Variants in POC5 observed in about 807,000 individuals in gnomAD.
POC5 encodes centrosomal protein POC5.
Under a neutral mutation model 62.9 loss-of-function variants are expected in POC5, and 48 were observed. That is an observed-to-expected ratio of 0.76 (90% CI 0.61 to 0.97). The LOEUF is 0.97. POC5 is among the 50% of genes least tolerant of loss of function. POC5 has a pLI of 0.00. For synonymous variants in POC5, 236 were observed against 228.2 expected (o/e 1.03, Z -0.31); for missense variants, 696 against 679.5 (o/e 1.02, Z -0.27).
chr5:75,697,302 G>C (rs957090633), intron 5 of POC5, among the ~76,000 whole-genome samples: 6 of 152,116 alleles, frequency 3.9e-5, no homozygotes, highest in Non-Finnish European at 8.8e-5. Flanking sequence ...AGGGCAGCCA[G>C]AGAGAAAGGT....
intron 4 of POC5, among the ~76,000 whole-genome samples, chr5:75,704,190 A>G (rs1482646617): frequency 1.3e-5 from 2 of 151,588 alleles, no homozygotes; most frequent in African/African-American, 2.4e-5. Context: ...AAGAAAAGTT[A>G]ATATTTTCTC....
At chr5:75,708,070 T>C (rs1231074639) in intron 2 of POC5, among the ~76,000 whole-genome samples, 195 bp from the exon 3 acceptor site, 2 of 152,288 alleles carry the variant, frequency 1.3e-5, no homozygotes, top group South Asian at 4.1e-4. Flanking sequence ...GATTAACAGT[T>C]TGAAGAGGGC....
At chr5:75,674,876 G>A (rs936653632) in intron 11 of POC5, among the ~76,000 whole-genome samples, 12 of 152,212 alleles carry the variant, frequency 7.9e-5, no homozygotes, top group African/African-American at 2.9e-4. Flanking sequence ...ATCTTGTAAT[G>A]TGTACAGAGG....
chr5:75,715,826 A>G (rs1327499917), intron 1 of POC5, among the ~76,000 whole-genome samples: 4 of 152,218 alleles, frequency 2.6e-5, no homozygotes, highest in Admixed American at 2.6e-4. Context: ...ACTAACATCT[A>G]AAGGGCAAGA....
At chr5:75,680,255 A>G (rs1400234282) in intron 10 of POC5, among the ~76,000 whole-genome samples, 1 of 152,114 alleles carries the variant, frequency 6.6e-6, no homozygotes, top group Non-Finnish European at 1.5e-5. Context: ...CTGCCCAATC[A>G]CGCTTGAGGG....
At chr5:75,689,284 AC>A in intron 8 of POC5, 119 bp from the exon 9 acceptor site, 1 of 1,382,712 alleles carries the variant, frequency 7.2e-7, no homozygotes, top group Non-Finnish European at 9.3e-7. Flanking sequence ...TTTGTCACTT[AC>A]CTCTTCTGCT....
Position 75,698,260 on chromosome 5 carries a change from T to G in POC5, c.514-3429A>C, listed in dbSNP as rs1449624488. On this transcript the variant is annotated intron_variant, in intron 5 of 11. Coordinates refer to ENST00000428202, the MANE Select transcript of POC5 (RefSeq NM_001099271.2). ...AACTCTCCACCCCAAATCAACAGAA[T>G]ATACATTTTTTTCAGCACCACACCA... Among the ~76,000 whole-genome samples, 7 of 145,922 alleles carry G rather than the reference T, an allele frequency of 4.8e-5. No individual in the cohort carries two copies. The East Asian group carries it at 7.9e-4, about 16-fold the overall frequency.
Position 75,694,749 on chromosome 5 carries a change from TTTTC to T in POC5, c.592_595del (p.Glu198AsnfsTer6). The T allele has an allele frequency of 6.3e-7, 1 of 1,597,014 alleles. No homozygotes were observed. Among genetic ancestry groups the T allele is most frequent in the South Asian group, 1.1e-5 (1 of 90,050 alleles). Reference sequence around the variant, plus strand: ...CAGTTGTTTTAAATGTGCTGCATGTTTTTCTTTCTCTTTTCTCATTTCCATTCGG... The same window carrying T: ...CAGTTGTTTTAAATGTGCTGCATGTTTTTCTCTTTTCTCATTTCCATTCGG... On this transcript the variant is annotated frameshift_variant, in exon 6 of 12. Transcript: ENST00000428202. LOFTEE classifies it high-confidence loss of function.
intron 5 of POC5, among the ~76,000 whole-genome samples, chr5:75,696,981 G>A (rs1561473355): frequency 6.6e-6 from 1 of 151,696 alleles, no homozygotes; most frequent in South Asian, 2.1e-4. Context: ...TGAATGAAAT[G>A]AAGCAAGAAG....
chr5:75,685,559 C>T, intron 9 of POC5, 75 bp from the exon 10 acceptor site: 14 of 1,461,256 alleles, frequency 9.6e-6, no homozygotes, highest in South Asian at 2.6e-5. Flanking sequence ...AATGAAAACA[C>T]ATACTGGCTA....
At chr5:75,693,814 A>G (rs1776445606) in intron 6 of POC5, among the ~76,000 whole-genome samples, 1 of 152,164 alleles carries the variant, frequency 6.6e-6, no homozygotes, top group Admixed American at 6.6e-5. Flanking sequence ...CCGGACATCC[A>G]TTTATAGCCG....
rs963677369 is a variant in POC5 at position 75,705,831 on chromosome 5, A to T, written c.224-44T>A. The stretch of plus-strand genomic sequence containing the variant: ...TTTAAAATTAAACTGAACCACTCTT[A>T]AATAAAATGTCTAATCACACATAAT... On this transcript the variant is annotated intron_variant, in intron 3 of 11. Coordinates refer to ENST00000428202, the MANE Select transcript of POC5 (RefSeq NM_001099271.2). 3 of 1,203,702 alleles carry T rather than the reference A, an allele frequency of 2.5e-6. No individual in the cohort carries two copies. In the Admixed American group the frequency reaches 7.8e-5, roughly 31 times the overall value. 74.6% of individuals were successfully genotyped at this position (1,203,702 alleles called of 1,614,324 possible). A position where few individuals can be genotyped will look rare whatever the true frequency, so the allele number is the denominator to read the frequency against.
At chr5:75,697,417 A>G (rs1186351230) in intron 5 of POC5, among the ~76,000 whole-genome samples, 2 of 152,198 alleles carry the variant, frequency 1.3e-5, no homozygotes, top group Non-Finnish European at 2.9e-5. Flanking sequence ...TTCTTAAAGA[A>G]AAGAATTTTC....
Position 75,696,582 on chromosome 5 carries a change from A to G in POC5, c.514-1751T>C, listed in dbSNP as rs1363888536. ...TGTACATCACCATCATCAAAGACCA[A>G]AAGTAGATAAAACCACAAAGATGGG... On this transcript the variant is annotated intron_variant, in intron 5 of 11. Coordinates refer to ENST00000428202, the MANE Select transcript of POC5 (RefSeq NM_001099271.2). 4.1e-3 allele frequency among the ~76,000 whole-genome samples: 631 copies of G among 152,084 alleles called. 2 individuals are homozygous for G. Among genetic ancestry groups the G allele is most frequent in the Non-Finnish European group, 6.4e-3 (438 of 67,916 alleles).
intron 6 of POC5, 38 bp downstream of exon 6, chr5:75,694,617 A>T: frequency 7.3e-7 from 1 of 1,367,666 alleles, no homozygotes; most frequent in Non-Finnish European, 9.8e-7. Flanking sequence ...CAAGACATTT[A>T]CTGAATCTCA....
At chr5:75,681,912 C>T (rs187734808) in intron 10 of POC5, among the ~76,000 whole-genome samples, 181 of 152,256 alleles carry the variant, frequency 1.2e-3, no homozygotes, top group African/African-American at 4.1e-3. Context: ...TGGATTTATT[C>T]CTACTTTTGT....
chr5:75,689,315 AG>A, intron 8 of POC5, 150 bp from the exon 9 acceptor site: 1 of 1,313,872 alleles, frequency 7.6e-7, no homozygotes, highest in South Asian at 2.5e-5. Context: ...TTATTTTAAA[AG>A]GTACCTCTTA....
intron 5 of POC5, among the ~76,000 whole-genome samples, chr5:75,699,741 T>C (rs991363097): frequency 6.8e-6 from 1 of 146,542 alleles, no homozygotes; most frequent in African/African-American, 2.5e-5. Flanking sequence ...GAGAAGGAAA[T>C]AAAGGGTATT....
chr5:75,716,456 T>G (rs529259294), intron 1 of POC5, among the ~76,000 whole-genome samples: 80 of 149,848 alleles, frequency 5.3e-4, no homozygotes, highest in African/African-American at 1.9e-3. Flanking sequence ...TGTTTCTTAA[T>G]ATGGACACAC....
Sources: gnomAD v4.1 joint callset for allele counts (sites outside exome capture counted in the v4.1 genomes callset) on GRCh38, gnomAD v4.1.1 for gene constraint, MANE v1.5 for transcripts, NCBI Gene and HGNC (gene_info 2026-07-23, HGNC 2026-07-21) for gene names.